Variants in ZBTB43 observed in about 807,000 individuals in gnomAD.
The protein encoded by ZBTB43 is zinc finger and BTB domain containing 43.
A neutral mutation model predicts 31.1 loss-of-function variants in ZBTB43; 6 were observed. That is an observed-to-expected ratio of 0.19 (90% CI 0.11 to 0.38). ZBTB43 has a LOEUF of 0.38. ZBTB43 is among the 10% of genes least tolerant of loss of function. The probability of loss-of-function intolerance (pLI) is 1.00; values close to 1 mark genes in which losing one functional copy is unlikely to be tolerated. For synonymous variants in ZBTB43, 212 were observed against 221.7 expected, an observed-to-expected ratio of 0.96 and a Z score of 0.39; for missense variants, 379 against 602.1, an observed-to-expected ratio of 0.63 and a Z score of 3.88.
intron 2 of ZBTB43, among the ~76,000 whole-genome samples, chr9:126,814,532 G>A (rs1042175762): frequency 1.2e-4 from 18 of 151,656 alleles, no homozygotes; most frequent in Admixed American, 3.9e-4. Context: ...GGTGGCTTAC[G>A]CCTGTAATCC....
chr9:126,831,952 C>CT (rs2032772929), intron 2 of ZBTB43: 1 of 138,822 alleles, frequency 7.2e-6, no homozygotes. Flanking sequence ...GAGCAAAACT[C>CT]TATCTCAAAA....
At chr9:126,811,185 G>A (rs1471390656) in intron 2 of ZBTB43, among the ~76,000 whole-genome samples, 1 of 147,130 alleles carries the variant, frequency 6.8e-6, no homozygotes, top group Non-Finnish European at 1.5e-5. Flanking sequence ...TGGCACCACT[G>A]CCCTCCAGCC....
In ZBTB43 at chr9:126,827,655, C is replaced by A. The variant is rs1290903994; in HGVS notation, c.-23-4832C>A. ...TTCTGACTCCACCATTTTCCATAACCTCCCTTGTGGCATTTATTTTTTTAG... is the reference window on the plus strand; with the variant it reads ...TTCTGACTCCACCATTTTCCATAACATCCCTTGTGGCATTTATTTTTTTAG... On this transcript the variant is annotated intron_variant, in intron 2 of 2. Coordinates refer to ENST00000373464, the MANE Select transcript of ZBTB43 (RefSeq NM_014007.4). 2.6e-5 allele frequency among the ~76,000 whole-genome samples: 4 copies of A among 152,210 alleles called. No individual in the cohort carries two copies. In the South Asian group the frequency reaches 6.2e-4, roughly 24 times the overall value.
chr9:126,829,253 G>A lies in ZBTB43; in HGVS notation c.-23-3234G>A, dbSNP rs139963156. ...ATTGCTTGATGACCCAAGAGTTCAA[G>A]GCTATGTCAAATGCACAGCCCCTTA... is the stretch of plus-strand genomic sequence containing the variant. On this transcript the variant is annotated intron_variant, in intron 2 of 2. Coordinates refer to ENST00000373464, the MANE Select transcript of ZBTB43 (RefSeq NM_014007.4). 4.3e-3 allele frequency among the ~76,000 whole-genome samples: 654 copies of A among 152,292 alleles called. 2 individuals are homozygous for A. Among genetic ancestry groups the A allele is most frequent in the Non-Finnish European group, 6.7e-3 (459 of 68,014 alleles).
chr9:126,835,758 A>G lies in ZBTB43; in HGVS notation c.*1845A>G, dbSNP rs985306247. Reference sequence around the variant, plus strand: ...TTTTTTTTAAACCTAGAAACTAGATATTACCTCTTGGTTGTTTGCCACATT... The same window carrying G: ...TTTTTTTTAAACCTAGAAACTAGATGTTACCTCTTGGTTGTTTGCCACATT... On this transcript the variant is annotated 3_prime_UTR_variant, in exon 3 of 3. Coordinates refer to ENST00000373464, the MANE Select transcript of ZBTB43 (RefSeq NM_014007.4). 3 of 166,502 alleles carry G rather than the reference A, an allele frequency of 1.8e-5. No individual in the cohort carries two copies. The highest frequency in any genetic ancestry group is 2.9e-5 in the Non-Finnish European group (2 of 68,098). The allele number at this position is 166,502 out of a possible 1,614,324, so 10.3% of individuals were successfully genotyped here.
chr9:126,829,683 G>A (rs1401556070), intron 2 of ZBTB43, among the ~76,000 whole-genome samples: 1 of 97,624 alleles, frequency 1.0e-5, no homozygotes, highest in African/African-American at 3.9e-5. Context: ...AGGAATAAAT[G>A]ATGGGAGAGA....
At chr9:126,825,599 CTG>C (rs1440946556) in intron 2 of ZBTB43, among the ~76,000 whole-genome samples, 2 of 152,102 alleles carry the variant, frequency 1.3e-5, no homozygotes, top group South Asian at 2.1e-4. Flanking sequence ...CCTAGTGTCT[CTG>C]TGTGTGTCCA....
chr9:126,832,002 A>T (rs1247841202), intron 2 of ZBTB43: 1 of 153,192 alleles, frequency 6.5e-6, no homozygotes. Context: ...GCATGTACAT[A>T]CAGTCCCAGC....
intron 2 of ZBTB43, among the ~76,000 whole-genome samples, chr9:126,809,131 C>T (rs1421885864): frequency 1.3e-5 from 2 of 152,092 alleles, no homozygotes; most frequent in East Asian, 1.9e-4. Flanking sequence ...ATTTTTCTGC[C>T]AAGTGAATTT....
At position 126,832,916 on chromosome 9, in the gene ZBTB43, A is replaced by T. The variant is rs773685519; in HGVS notation, c.407A>T (p.His136Leu). 6 of 1,613,940 alleles carry T rather than the reference A, an allele frequency of 3.7e-6. No individual in the cohort carries two copies. Among genetic ancestry groups the T allele is most frequent in the Non-Finnish European group, 2.5e-6 (3 of 1,180,028 alleles). ...NPTVLCQKLN[H>L]GSDHQSPSSS... is the part of the protein sequence containing the mutation. ...ACAGTCCTTTGTCAGAAGCTAAATC[A>T]TGGCAGTGACCACCAGTCACCAAGC... Residue 136 changes from histidine to leucine, a missense_variant, in exon 3 of 3, where the codon CAT becomes CTT. Physicochemically the swap from His to Leu is moderately conservative, Grantham distance 99. Transcript: ENST00000373464.
At chr9:126,823,732 C>A (rs1233069650) in intron 2 of ZBTB43, among the ~76,000 whole-genome samples, 1 of 152,160 alleles carries the variant, frequency 6.6e-6, no homozygotes, top group Non-Finnish European at 1.5e-5. Context: ...GGCAGTAAAC[C>A]ATTTTGATTC....
chr9:126,804,712 T>A (rs976906552), upstream of ZBTB43, among the ~76,000 whole-genome samples: 21 of 152,368 alleles, frequency 1.4e-4, no homozygotes, highest in African/African-American at 5.0e-4. Flanking sequence ...CTCGAACTCC[T>A]AGCCTCAAGC....
chr9:126,823,755 GTA>G (rs1398943837), intron 2 of ZBTB43, among the ~76,000 whole-genome samples: 1 of 152,088 alleles, frequency 6.6e-6, no homozygotes, highest in African/African-American at 2.4e-5. Flanking sequence ...TTCTTTTTGT[GTA>G]TGTTTTTAGT....
At chr9:126,820,224 A>G (rs562008950) in intron 2 of ZBTB43, among the ~76,000 whole-genome samples, 49 of 152,222 alleles carry the variant, frequency 3.2e-4, no homozygotes, top group Non-Finnish European at 4.0e-4. Flanking sequence ...CTTCTATTGG[A>G]AGGAGATGCT....
intron 2 of ZBTB43, among the ~76,000 whole-genome samples, chr9:126,809,218 G>T (rs2032190765): frequency 6.6e-6 from 1 of 152,142 alleles, no homozygotes; most frequent in African/African-American, 2.4e-5. Flanking sequence ...TCTGAGACGT[G>T]TAACCACTGG....
intron 2 of ZBTB43, among the ~76,000 whole-genome samples, chr9:126,810,024 A>T (rs1219232323): frequency 6.6e-6 from 1 of 151,846 alleles, no homozygotes; most frequent in African/African-American, 2.4e-5. Context: ...TTTAGTAGAG[A>T]TGGGGTTTCA....
At position 126,832,986 on chromosome 9, in the gene ZBTB43, T is replaced by G. The variant is rs1007172473; in HGVS notation, c.477T>G (p.Ser159=). 21 of 1,613,796 alleles carry G rather than the reference T, an allele frequency of 1.3e-5. No homozygotes were observed. The highest frequency in any genetic ancestry group is 1.8e-5 in the Non-Finnish European group (21 of 1,180,012). Residue 159 remains serine (S), a synonymous_variant, in exon 3 of 3, where the codon TCT becomes TCG. Coordinates refer to ENST00000373464, the MANE Select transcript of ZBTB43 (RefSeq NM_014007.4). The part of the protein sequence containing the change: ...NGLVESFELG[S]GGHTDFPKAQ... ...TGGTAGAGAGCTTTGAGCTGGGCTC[T>G]GGGGGTCATACTGATTTTCCCAAAG...
In ZBTB43 at chr9:126,832,965, A is replaced by G. The variant is rs751362868; in HGVS notation, c.456A>G (p.Val152=). The G allele has an allele frequency of 1.9e-6, 3 of 1,613,830 alleles. No individual in the cohort carries two copies. The highest frequency in any genetic ancestry group is 4.5e-5 in the East Asian group (2 of 44,858). Residue 152 remains valine, a synonymous_variant, in exon 3 of 3, where the codon GTA becomes GTG. Transcript: ENST00000373464. ...SPSSSSYNGL[V]ESFELGSGGH... ...GCAGCAGTAGTTATAATGGCCTGGT[A>G]GAGAGCTTTGAGCTGGGCTCTGGGG... is the stretch of plus-strand genomic sequence containing the variant.
intron 2 of ZBTB43, among the ~76,000 whole-genome samples, chr9:126,817,328 C>G (rs754804400): frequency 6.6e-6 from 1 of 151,598 alleles, no homozygotes; most frequent in Non-Finnish European, 1.5e-5. Flanking sequence ...CCAGGCTGGT[C>G]TTGAACTCCT....
Sources: allele counts gnomAD v4.1 joint callset (sites outside exome capture counted in the v4.1 genomes callset), GRCh38; gene constraint gnomAD v4.1.1; transcripts MANE v1.5; gene names NCBI Gene and HGNC (gene_info 2026-07-23, HGNC 2026-07-21).